CACNA1C: variants seen among roughly 807,000 people sequenced by gnomAD.
CACNA1C encodes voltage-dependent L-type calcium channel subunit alpha-1C.
A neutral mutation model predicts 229.0 loss-of-function variants in CACNA1C; 30 were observed. That is an observed-to-expected ratio of 0.13 (90% CI 0.10 to 0.18). CACNA1C has a LOEUF of 0.18. Among genes scored for constraint, CACNA1C ranks in the 10% least tolerant of loss-of-function variants. The pLI is 1.00. For missense variants in CACNA1C, 1,658 were observed against 2,845.0 expected (o/e 0.58, Z 9.49); for synonymous variants, 1,114 against 1,132.5 (o/e 0.98, Z 0.33).
intron 3 of CACNA1C, among the ~76,000 whole-genome samples, chr12:2,168,062 G>T (rs996236589): frequency 2.0e-4 from 31 of 152,212 alleles, no homozygotes; most frequent in Middle Eastern, 3.4e-3. Context: ...GTTTGTGTGT[G>T]GGGGGGAGTG....
chr12:2,421,912 CAA>C (rs35245455), intron 3 of CACNA1C, among the ~76,000 whole-genome samples: 18 of 143,388 alleles, frequency 1.3e-4, no homozygotes, highest in Admixed American at 2.8e-4. Flanking sequence ...TCTGTCTCAA[CAA>C]AAAAAAAAAA....
At chr12:2,613,934 TTGAGTCA>T (rs2079120399) in intron 29 of CACNA1C, 1 of 152,324 alleles carries the variant, frequency 6.6e-6, no homozygotes, top group African/African-American at 2.4e-5. Flanking sequence ...TTTCAAAGCC[TTGAGTCA>T]TTCCACAGTT....
At chr12:2,573,416 C>T (rs776633824) in intron 13 of CACNA1C, among the ~76,000 whole-genome samples, 2 of 152,232 alleles carry the variant, frequency 1.3e-5, no homozygotes, top group Non-Finnish European at 2.9e-5. Context: ...TGAGAAAACA[C>T]ATCAAGGTAA....
intron 29 of CACNA1C, among the ~76,000 whole-genome samples, chr12:2,620,891 G>A (rs2082887911): frequency 6.6e-6 from 1 of 152,202 alleles, no homozygotes; most frequent in Admixed American, 6.5e-5. Context: ...ATGAATGGAT[G>A]AATGAGAATT....
intron 3 of CACNA1C, among the ~76,000 whole-genome samples, chr12:2,279,599 T>C (rs946879770): frequency 2.0e-5 from 3 of 152,256 alleles, no homozygotes; most frequent in Non-Finnish European, 2.9e-5. Context: ...GCCTTTGCGC[T>C]GAAATTTATT....
At position 2,632,890 on chromosome 12, in the gene CACNA1C, C is replaced by G. The variant is rs560437944; in HGVS notation, c.3829-1407C>G. Among the ~76,000 whole-genome samples, 275 of 152,316 alleles carry G rather than the reference C, an allele frequency of 1.8e-3. 1 individual carries two copies. Among genetic ancestry groups the G allele is most frequent in the African/African-American group, 6.0e-3 (250 of 41,572 alleles). ...ACACACTCCCGGAGTAGGAGCCCAG[C>G]CTTGCCTCTGTCTCCTTTCCCTTAG... On this transcript the variant is annotated intron_variant, in intron 29 of 46. Coordinates refer to ENST00000399655, the MANE Select transcript of CACNA1C (RefSeq NM_000719.7). This position sits in a 1 kb window ranked among gnomAD's most constrained non-coding sequence, Gnocchi z 4.1.
intron 3 of CACNA1C, among the ~76,000 whole-genome samples, chr12:2,135,201 C>T: frequency 6.9e-6 from 1 of 144,800 alleles, no homozygotes; most frequent in Non-Finnish European, 1.5e-5. Flanking sequence ...TCTAGTTATA[C>T]ATTCTTCTAA....
intron 1 of CACNA1C, among the ~76,000 whole-genome samples, chr12:2,065,273 A>T (rs919026013): frequency 6.6e-6 from 1 of 152,224 alleles, no homozygotes; most frequent in African/African-American, 2.4e-5. Flanking sequence ...AATTATTTAA[A>T]AGGCAAAAAT....
chr12:2,171,662 A>T (rs1374248726), intron 3 of CACNA1C, among the ~76,000 whole-genome samples: 2 of 152,216 alleles, frequency 1.3e-5, no homozygotes, highest in Non-Finnish European at 2.9e-5. Context: ...CTGGAAATGC[A>T]GTGAAGAATA....
intron 3 of CACNA1C, among the ~76,000 whole-genome samples, chr12:2,430,229 G>C (rs1434791605): frequency 6.6e-6 from 1 of 152,144 alleles, no homozygotes; most frequent in African/African-American, 2.4e-5. Flanking sequence ...TACCTTGGGG[G>C]TTAGGATTTC....
At chr12:2,087,932 G>A (rs1269196223) in intron 1 of CACNA1C, among the ~76,000 whole-genome samples, 3 of 152,178 alleles carry the variant, frequency 2.0e-5, no homozygotes, top group African/African-American at 7.2e-5. Flanking sequence ...TGTCTTGTAA[G>A]GTTTCAGGAA....
rs1030810333 is a variant in CACNA1C at position 2,602,264 on chromosome 12, G to A, written c.2960+304G>A. 1.3e-5 allele frequency among the ~76,000 whole-genome samples: 2 copies of A among 152,176 alleles called. No homozygotes were observed. Among genetic ancestry groups the A allele is most frequent in the African/African-American group, 2.4e-5 (1 of 41,436 alleles). ...AGGACCTTCCTGCCTCCTCCACCAC[G>A]GCCCCAGTGCCCTAGGCTGACCTTC... On this transcript the variant is annotated intron_variant, in intron 22 of 46. Transcript: ENST00000399655. This position sits in a 1 kb window ranked among gnomAD's most constrained non-coding sequence, Gnocchi z 4.4.
At chr12:2,482,393 C>T (rs4765948) in intron 5 of CACNA1C, among the ~76,000 whole-genome samples, 95,845 of 151,702 alleles carry the variant, frequency 0.63, 30,996 homozygotes, top group East Asian at 0.88. Context: ...GGAGCCAGAC[C>T]ACCTGGCACT....
intron 5 of CACNA1C, among the ~76,000 whole-genome samples, chr12:2,483,148 G>A (rs1210165043): frequency 6.6e-6 from 1 of 152,232 alleles, no homozygotes; most frequent in African/African-American, 2.4e-5. Flanking sequence ...GGCTTTCCAG[G>A]CAGGGGAGCC....
At chr12:2,106,638 C>A (rs865903140) in intron 1 of CACNA1C, among the ~76,000 whole-genome samples, 7 of 48,640 alleles carry the variant, frequency 1.4e-4, no homozygotes, top group African/African-American at 2.0e-4. Context: ...AGCCACTGGG[C>A]GCCCACCCCG....
At chr12:2,316,612 T>G (rs1452324028) in intron 3 of CACNA1C, among the ~76,000 whole-genome samples, 7 of 152,196 alleles carry the variant, frequency 4.6e-5, no homozygotes, top group African/African-American at 1.4e-4. Flanking sequence ...ATAGGTGGAA[T>G]AGCATGTATA....
intron 3 of CACNA1C, among the ~76,000 whole-genome samples, chr12:2,198,924 C>T (rs2097502949): frequency 6.6e-6 from 1 of 152,168 alleles, no homozygotes. Context: ...CTTTTAAGAA[C>T]TTTTCCTGCA....
intron 3 of CACNA1C, among the ~76,000 whole-genome samples, chr12:2,313,076 A>G (rs1164699692): frequency 6.6e-6 from 1 of 152,208 alleles, no homozygotes; most frequent in African/African-American, 2.4e-5. Context: ...CTGGGAGTAC[A>G]GAGACCACCT....
Position 2,566,724 on chromosome 12 carries a change from C to T in CACNA1C, c.1669+142C>T, listed in dbSNP as rs1441176462. ...CTTGGCAGGTGCTGTGCTGGAGACA[C>T]CAAGGGCCTGGCAGTTCCAAAGCCC... On this transcript the variant is annotated intron_variant, in intron 12 of 46. Coordinates refer to ENST00000399655, the MANE Select transcript of CACNA1C (RefSeq NM_000719.7). The surrounding 1 kb of genome is among the most constrained non-coding windows in gnomAD (Gnocchi z 4.0). The T allele has an allele frequency of 1.6e-6, 1 of 642,522 alleles. No individual in the cohort carries two copies. 39.8% of individuals were successfully genotyped at this position (642,522 alleles called of 1,614,324 possible). A position where few individuals can be genotyped will look rare whatever the true frequency, so the allele number is the denominator to read the frequency against.
Sources: gnomAD v4.1 joint callset for allele counts (sites outside exome capture counted in the v4.1 genomes callset) on GRCh38, gnomAD v4.1.1 for gene constraint, Gnocchi (gnomAD v3.1) non-coding constraint, MANE v1.5 for transcripts, NCBI Gene and HGNC (gene_info 2026-07-23, HGNC 2026-07-21) for gene names.